The following BFSP1 variants were observed in gnomAD, a reference collection of about 807,000 sequenced individuals.
BFSP1 encodes the protein beaded filament structural protein 1.
In BFSP1, 38 loss-of-function variants were observed where a neutral mutation model predicts 43.9. The observed-to-expected ratio is 0.87, with a 90% CI of 0.67 to 1.14. The LOEUF is 1.14. Among genes scored for constraint, BFSP1 ranks in the 50% most tolerant of loss-of-function variants. BFSP1 has a pLI of 0.00. For synonymous variants in BFSP1, 352 were observed against 354.8 expected, an observed-to-expected ratio of 0.99 and a Z score of 0.09; for missense variants, 850 against 875.1, an observed-to-expected ratio of 0.97 and a Z score of 0.36.
At chr20:17,510,964 G>GT (rs966879339) in intron 4 of BFSP1, among the ~76,000 whole-genome samples, 2 of 151,312 alleles carry the variant, frequency 1.3e-5, no homozygotes, top group African/African-American at 2.4e-5. Context: ...TGTTTGTGGG[G>GT]TTTTTTTGCT....
chr20:17,541,202 A>T lies in BFSP1; in HGVS notation c.3-16294T>A, dbSNP rs1450170794. 9.9e-6 allele frequency: 4 copies of T among 404,456 alleles called. No individual in the cohort carries two copies. The African/African-American group carries it at 1.1e-4, about 11-fold the overall frequency. 25.1% of individuals were successfully genotyped at this position (404,456 alleles called of 1,614,324 possible). A position where few individuals can be genotyped will look rare whatever the true frequency, so the allele number is the denominator to read the frequency against. Reference sequence around the variant, plus strand: ...GGCAACATAGTGAGACCCTGTCTCTAAAAAAAAAATAATAATTAGTGAATA... The same window carrying T: ...GGCAACATAGTGAGACCCTGTCTCTTAAAAAAAAATAATAATTAGTGAATA... On this transcript the variant is annotated intron_variant, in intron 1 of 7. Coordinates refer to the BFSP1 transcript ENST00000377868.
intron 6 of BFSP1, among the ~76,000 whole-genome samples, chr20:17,497,332 T>C (rs1284696645): frequency 1.3e-5 from 2 of 151,876 alleles, no homozygotes; most frequent in African/African-American, 4.8e-5. Flanking sequence ...TTTTTTTGCC[T>C]TTTGTTTTTT....
chr20:17,553,808 C>CATATATATAT (rs1332594718), intron 1 of BFSP1, among the ~76,000 whole-genome samples: 7 of 97,056 alleles, frequency 7.2e-5, no homozygotes, highest in African/African-American at 2.7e-4. Context: ...CACACACACA[C>CATATATATAT]ACACACACAC....
At chr20:17,509,537 C>G (rs1402348425) in intron 4 of BFSP1, among the ~76,000 whole-genome samples, 1 of 152,166 alleles carries the variant, frequency 6.6e-6, no homozygotes, top group Non-Finnish European at 1.5e-5. Flanking sequence ...GGACCAAGTA[C>G]CAGGAGACCA....
At chr20:17,568,312 G>A (rs1485839589) in intron 1 of BFSP1, among the ~76,000 whole-genome samples, 2 of 152,108 alleles carry the variant, frequency 1.3e-5, no homozygotes, top group African/African-American at 4.8e-5. Flanking sequence ...AAATGCAGGA[G>A]AGGCTGGAGC....
At chr20:17,561,381 CCCA>C (rs2035065335), upstream of BFSP1, among the ~76,000 whole-genome samples, 1 of 152,046 alleles carries the variant, frequency 6.6e-6, no homozygotes, top group Non-Finnish European at 1.5e-5. Flanking sequence ...TGCCTGTAAT[CCCA>C]GCTACTCGGG....
Position 17,539,715 on chromosome 20 carries a change from A to G in BFSP1, c.3-14807T>C, listed in dbSNP as rs2034686229. 2.0e-5 allele frequency among the ~76,000 whole-genome samples: 3 copies of G among 152,220 alleles called. No individual in the cohort carries two copies. In the South Asian group the frequency reaches 6.2e-4, roughly 32 times the overall value. ...TGGCAGGTCAAGGCTGCAGTGAGCC[A>G]TGATTGTGTCGCTGCACTCCAGCAT... On this transcript the variant is annotated intron_variant, in intron 1 of 7. Coordinates refer to the BFSP1 transcript ENST00000377868.
At chr20:17,556,151 T>A in intron 1 of BFSP1, among the ~76,000 whole-genome samples, 1 of 152,306 alleles carries the variant, frequency 6.6e-6, no homozygotes, top group East Asian at 1.9e-4. Flanking sequence ...TCACAATATA[T>A]AAAACTAATT....
chr20:17,547,204 A>G (rs987637910), intron 1 of BFSP1, among the ~76,000 whole-genome samples: 1 of 151,798 alleles, frequency 6.6e-6, no homozygotes, highest in Non-Finnish European at 1.5e-5. Context: ...AAAAAATAGT[A>G]AAATAAATAA....
At chr20:17,506,107 C>T (rs980848611) in intron 5 of BFSP1, among the ~76,000 whole-genome samples, 9 of 152,136 alleles carry the variant, frequency 5.9e-5, no homozygotes, top group Admixed American at 3.9e-4. Flanking sequence ...AGTTCGCTGC[C>T]GGCTCCGAAC....
intron 6 of BFSP1, among the ~76,000 whole-genome samples, chr20:17,497,457 T>TACACACACACAC (rs200390071): frequency 1.4e-5 from 1 of 72,088 alleles, no homozygotes; most frequent in African/African-American, 6.2e-5. Flanking sequence ...TGTATATATA[T>TACACACACACAC]ATACACACAC....
intron 1 of BFSP1, among the ~76,000 whole-genome samples, chr20:17,557,870 G>A (rs971420739): frequency 1.3e-5 from 2 of 152,182 alleles, no homozygotes; most frequent in Non-Finnish European, 2.9e-5. Flanking sequence ...ACTCCCAGCT[G>A]TTAGTAAGTG....
chr20:17,508,363 A>G (rs140394982), intron 5 of BFSP1, among the ~76,000 whole-genome samples: 4 of 152,320 alleles, frequency 2.6e-5, no homozygotes, highest in Admixed American at 6.5e-5. Context: ...TAGAAATGTG[A>G]GCTTTCCACC....
intron 5 of BFSP1, among the ~76,000 whole-genome samples, chr20:17,501,018 G>T (rs1050680928): frequency 1.3e-5 from 2 of 152,170 alleles, no homozygotes; most frequent in African/African-American, 4.8e-5. Flanking sequence ...CGGAGACTCC[G>T]CCTTGCTCAC....
intron 5 of BFSP1, 136 bp from the exon 6 acceptor site, chr20:17,499,176 AT>A: frequency 1.3e-6 from 1 of 754,904 alleles, no homozygotes; most frequent in Non-Finnish European, 2.2e-6. Context: ...GAGATTAGCA[AT>A]GAATCACTTT....
intron 2 of BFSP1, among the ~76,000 whole-genome samples, chr20:17,524,374 T>C (rs755073627): frequency 6.6e-6 from 1 of 152,176 alleles, no homozygotes; most frequent in African/African-American, 2.4e-5. Context: ...CCTGGGGCTA[T>C]TGGTCACGCT....
Position 17,504,849 on chromosome 20 carries a change from T to C in BFSP1, c.735+4040A>G, listed in dbSNP as rs74821308. 4.0e-4 allele frequency among the ~76,000 whole-genome samples: 61 copies of C among 151,888 alleles called. 1 individual carries two copies. In the East Asian group the frequency reaches 0.012, roughly 30 times the overall value. ...GCAGGAGCCTGACGCGAGCCCCATC[T>C]GGAGGGGTGAGCTCTCACCTCAGTC... On this transcript the variant is annotated intron_variant, in intron 5 of 7. Coordinates refer to ENST00000377873, the MANE Select transcript of BFSP1 (RefSeq NM_001195.5).
chr20:17,516,892 T>G, intron 2 of BFSP1: 1 of 678,708 alleles, frequency 1.5e-6, no homozygotes, highest in Admixed American at 2.2e-5. Flanking sequence ...ACCCTCAAGG[T>G]TGAACCCTCA....
chr20:17,519,453 C>A (rs2034272565), intron 2 of BFSP1, among the ~76,000 whole-genome samples: 1 of 152,232 alleles, frequency 6.6e-6, no homozygotes, highest in Non-Finnish European at 1.5e-5. Context: ...TCCAGAGCCT[C>A]CCTCCATGTA....
Sources: allele counts gnomAD v4.1 joint callset (sites outside exome capture counted in the v4.1 genomes callset), GRCh38; gene constraint gnomAD v4.1.1; transcripts MANE v1.5; gene names NCBI Gene and HGNC (gene_info 2026-07-23, HGNC 2026-07-21).